CASP9: variants seen among roughly 807,000 people sequenced by gnomAD.
CASP9 encodes the protein caspase-9.
CASP9 carries 29 observed loss-of-function variants against 43.5 expected under a neutral mutation model. The observed-to-expected ratio is 0.67, with a 90% CI of 0.50 to 0.91. CASP9 has a LOEUF of 0.91. Among genes scored for constraint, CASP9 ranks in the 40% least tolerant of loss-of-function variants. CASP9 has a pLI of 0.00. For missense variants in CASP9, 575 were observed against 537.4 expected, an observed-to-expected ratio of 1.07 and a Z score of -0.69; for synonymous variants, 206 against 211.9, an observed-to-expected ratio of 0.97 and a Z score of 0.24.
rs1038516619 is a variant in CASP9 at position 15,507,902 on chromosome 1, G to A, written c.424C>T (p.Leu142Phe). The A allele has an allele frequency of 8.1e-6, 13 of 1,614,010 alleles. No individual in the cohort carries two copies. The African/African-American group carries it at 1.5e-4, about 18-fold the overall frequency. Residue 142 changes from leucine (L) to phenylalanine (F), a missense_variant, in exon 3 of 9, where the codon CTT becomes TTT. Transcript: ENST00000333868. ...TCTGCATTTCCCCTCAAACTCTCAA[G>A]AGCACCTGAAGAGGCAGAGAAAGAG... ...GSGGFGDVGA[L>F]ESLRGNADLA...
At chr1:15,504,313 G>A (rs1324473711) in intron 6 of CASP9, among the ~76,000 whole-genome samples, 2 of 152,232 alleles carry the variant, frequency 1.3e-5, no homozygotes, top group Non-Finnish European at 2.9e-5. Context: ...AATAAAAAGA[G>A]GTTTCTCCTC....
intron 6 of CASP9, among the ~76,000 whole-genome samples, chr1:15,499,580 G>A (rs984579078): frequency 2.6e-5 from 4 of 152,164 alleles, no homozygotes; most frequent in Non-Finnish European, 5.9e-5. Context: ...TTCAAATGCA[G>A]TCAAAAGCTT....
intron 5 of CASP9, 117 bp downstream of exon 5, chr1:15,505,873 G>A: frequency 1.2e-6 from 1 of 830,038 alleles, no homozygotes; most frequent in South Asian, 1.5e-5. Flanking sequence ...GGGCCCCACA[G>A]CCCTTTTCCA....
chr1:15,512,498 G>A (rs1222435107), intron 2 of CASP9, among the ~76,000 whole-genome samples: 2 of 152,068 alleles, frequency 1.3e-5, no homozygotes, highest in Non-Finnish European at 2.9e-5. Flanking sequence ...TCCTGCCTTT[G>A]GAATGGGACT....
chr1:15,507,940 G>A (rs1709587744), intron 2 of CASP9, 33 bp from the exon 3 acceptor site: 1 of 1,613,192 alleles, frequency 6.2e-7, no homozygotes, highest in Non-Finnish European at 8.5e-7. Context: ...AAACATGAAT[G>A]TTGGGTTACA....
At chr1:15,512,846 C>T (rs559445202) in intron 2 of CASP9, among the ~76,000 whole-genome samples, 27 of 152,126 alleles carry the variant, frequency 1.8e-4, no homozygotes, top group Non-Finnish European at 3.5e-4. Context: ...GGACTCACTC[C>T]ATCACTGCCT....
intron 5 of CASP9, among the ~76,000 whole-genome samples, chr1:15,505,497 A>G (rs4646045): frequency 0.59 from 89,411 of 152,140 alleles, 26,975 homozygotes; most frequent in African/African-American, 0.71. Context: ...GCCCCAGCTT[A>G]TAACTGTGAT....
intron 2 of CASP9, among the ~76,000 whole-genome samples, chr1:15,513,768 T>G (rs577995551): frequency 1.9e-4 from 29 of 152,270 alleles, no homozygotes; most frequent in African/African-American, 6.7e-4. Flanking sequence ...AATGAGCCAT[T>G]TGTTCTTCAT....
At chr1:15,506,707 G>A (rs762280258) in intron 4 of CASP9, among the ~76,000 whole-genome samples, 192 bp downstream of exon 4, 2 of 152,166 alleles carry the variant, frequency 1.3e-5, no homozygotes, top group South Asian at 4.1e-4. Flanking sequence ...GCAGGTGGCC[G>A]AGAGAGCCAG....
chr1:15,518,698 A>AAG (rs1388085180), intron 1 of CASP9, among the ~76,000 whole-genome samples: 6 of 152,210 alleles, frequency 3.9e-5, no homozygotes, highest in Non-Finnish European at 8.8e-5. Context: ...AACAAGAGAC[A>AAG]AGTGCCCAGA....
At chr1:15,512,577 G>C (rs1709795100) in intron 2 of CASP9, among the ~76,000 whole-genome samples, 1 of 152,062 alleles carries the variant, frequency 6.6e-6, no homozygotes, top group Non-Finnish European at 1.5e-5. Flanking sequence ...AGCTTTCCTG[G>C]TCTCCAACTT....
At chr1:15,496,215 C>T (rs1709100210) in intron 6 of CASP9, among the ~76,000 whole-genome samples, 2 of 152,114 alleles carry the variant, frequency 1.3e-5, no homozygotes, top group East Asian at 1.9e-4. Context: ...CAAAATTCAA[C>T]AAGCTTTCAT....
upstream of CASP9, chr1:15,524,740 C>G (rs1570886763): frequency 3.9e-6 from 4 of 1,023,746 alleles, no homozygotes; most frequent in Admixed American, 2.5e-4. Context: ...GGGTCACCGC[C>G]TGTCCCCAGA....
intron 6 of CASP9, among the ~76,000 whole-genome samples, chr1:15,501,335 G>A (rs542379516): frequency 1.1e-3 from 162 of 152,164 alleles, no homozygotes; most frequent in Non-Finnish European, 1.7e-3. Flanking sequence ...TAATGAATGG[G>A]TGGATGACAT....
chr1:15,506,913 C>A lies in CASP9; in HGVS notation c.616G>T (p.Asp206Tyr), dbSNP rs752229682. The A allele has an allele frequency of 6.2e-7, 1 of 1,613,366 alleles. No homozygotes were observed. The highest frequency in any genetic ancestry group is 8.5e-7 in the Non-Finnish European group (1 of 1,179,592). Reference protein sequence around the residue: ...SLHFMVEVKGDLTAKKMVLAL... With the variant: ...SLHFMVEVKGYLTAKKMVLAL... ...AGTGAGTGTACCTTGGCAGTCAGGT[C>A]GCCCTTCACCTCCACCATGAAATGC... is the stretch of plus-strand genomic sequence containing the variant. The change falls in exon 4 of 9, where the codon GAC (aspartate) becomes TAC (tyrosine). Residue 206 changes from aspartate to tyrosine, a missense_variant. Asp to Tyr is a radical substitution (Grantham distance 160). Coordinates refer to ENST00000333868, the MANE Select transcript of CASP9 (RefSeq NM_001229.5).
Position 15,506,754 on chromosome 1 carries a change from T to C in CASP9, c.630+145A>G, listed in dbSNP as rs113860186. 5.1e-4 allele frequency: 338 copies of C among 656,962 alleles called. 1 individual carries two copies. The highest frequency in any genetic ancestry group is 3.5e-3 in the South Asian group (181 of 51,540). The allele number at this position is 656,962 out of a possible 1,614,324, so 40.7% of individuals were successfully genotyped here. A position where few individuals can be genotyped will look rare whatever the true frequency, so the allele number is the denominator to read the frequency against. On this transcript the variant is annotated intron_variant, in intron 4 of 8. Coordinates refer to ENST00000333868, the MANE Select transcript of CASP9 (RefSeq NM_001229.5). ...GGACTTCTGCGTCTGAACTTGAACC[T>C]GTAGCCGCTGGGCCGTCCTACCTCC...
intron 2 of CASP9, among the ~76,000 whole-genome samples, chr1:15,508,651 T>C (rs576182764): frequency 2.6e-5 from 4 of 152,196 alleles, no homozygotes; most frequent in South Asian, 2.1e-4. Context: ...TTGACCTCAG[T>C]TGATCCACCC....
chr1:15,499,223 T>A (rs1709231161), intron 6 of CASP9, among the ~76,000 whole-genome samples: 1 of 152,228 alleles, frequency 6.6e-6, no homozygotes, highest in Admixed American at 6.5e-5. Flanking sequence ...CTATTACCAA[T>A]GGCTGGGATT....
At chr1:15,515,056 T>C (rs1709900572) in intron 2 of CASP9, among the ~76,000 whole-genome samples, 1 of 151,886 alleles carries the variant, frequency 6.6e-6, no homozygotes, top group Non-Finnish European at 1.5e-5. Context: ...ACTATTGCTG[T>C]TGTTATTTAC....
Sources: gnomAD v4.1 joint callset for allele counts (sites outside exome capture counted in the v4.1 genomes callset) on GRCh38, gnomAD v4.1.1 for gene constraint, MANE v1.5 for transcripts, NCBI Gene and HGNC (gene_info 2026-07-23, HGNC 2026-07-21) for gene names.